Variants in KIF11 observed in about 807,000 individuals in gnomAD.
KIF11 encodes the protein kinesin family member 11.
A neutral mutation model predicts 121.0 loss-of-function variants in KIF11; 9 were observed. The ratio of observed to expected loss-of-function variants is 0.07; its 90% CI spans 0.04 to 0.13. The LOEUF (loss-of-function observed/expected upper bound fraction) is 0.13. KIF11 is among the 10% of genes least tolerant of loss of function. The pLI is 1.00. For synonymous variants in KIF11, 408 were observed against 421.0 expected, an observed-to-expected ratio of 0.97 and a Z score of 0.38; for missense variants, 846 against 1,217.5, an observed-to-expected ratio of 0.69 and a Z score of 4.54.
intron 19 of KIF11, among the ~76,000 whole-genome samples, chr10:92,648,834 T>C (rs1286992192): frequency 6.6e-6 from 1 of 152,232 alleles, no homozygotes; most frequent in African/African-American, 2.4e-5. Flanking sequence ...TCATAGACTA[T>C]TGCCATTTAG....
Position 92,648,192 on chromosome 10 carries a change from T to C in KIF11, c.2548-20T>C, listed in dbSNP as rs1844941943. 3 of 1,457,538 alleles carry C rather than the reference T, an allele frequency of 2.1e-6. No homozygotes were observed. The highest frequency in any genetic ancestry group is 2.5e-5 in the South Asian group (2 of 81,174). 90.3% of individuals were successfully genotyped at this position (1,457,538 alleles called of 1,614,324 possible). On this transcript the variant is annotated intron_variant, in intron 18 of 21. Coordinates refer to ENST00000260731, the MANE Select transcript of KIF11 (RefSeq NM_004523.4). The stretch of plus-strand genomic sequence containing the variant: ...GCAACTTTAATTTTAGTAATAAATA[T>C]TTATTTGCATCATTTACAGGTTGTA...
chr10:92,620,693 G>A lies in KIF11; in HGVS notation c.1129-692G>A, dbSNP rs541439987. 1.1e-3 allele frequency among the ~76,000 whole-genome samples: 172 copies of A among 152,314 alleles called. 4 individuals are homozygous for A. Among genetic ancestry groups the A allele is most frequent in the Non-Finnish European group, 2.1e-3 (141 of 68,032 alleles). ...TCTGGGGAGGCCTCATAATCATGGC[G>A]GAAGGCAAGGACGAGCAAGTCACAT... is the stretch of plus-strand genomic sequence containing the variant. On this transcript the variant is annotated intron_variant, in intron 9 of 21. Coordinates refer to ENST00000260731, the MANE Select transcript of KIF11 (RefSeq NM_004523.4).
At chr10:92,628,773 A>G (rs745552850) in intron 10 of KIF11, 35 bp from the exon 11 acceptor site, 8 of 1,163,530 alleles carry the variant, frequency 6.9e-6, no homozygotes, top group Non-Finnish European at 1.0e-5. Context: ...AGAAAAAAAT[A>G]TTAACTGTTA....
chr10:92,638,523 G>A (rs1420014319), intron 16 of KIF11, among the ~76,000 whole-genome samples: 1 of 151,882 alleles, frequency 6.6e-6, no homozygotes. Flanking sequence ...TTATAAATTT[G>A]CTGTTTTGAA....
chr10:92,601,497 C>G (rs1186843204), intron 1 of KIF11, among the ~76,000 whole-genome samples: 1 of 152,098 alleles, frequency 6.6e-6, no homozygotes, highest in Admixed American at 6.6e-5. Context: ...GCGTGAGCCA[C>G]CATGCCCGGC....
chr10:92,600,661 A>G lies in KIF11; in HGVS notation c.78-5604A>G, dbSNP rs565675990. 5.0e-3 allele frequency among the ~76,000 whole-genome samples: 749 copies of G among 148,782 alleles called. 3 individuals carry two copies. The highest frequency in any genetic ancestry group is 0.017 in the African/African-American group (704 of 40,412). The stretch of plus-strand genomic sequence containing the variant: ...TAGCTGGGACTACAGGCATGCGCCC[A>G]TGCCTAGCTAAGTTTTTGTAGTTTT... On this transcript the variant is annotated intron_variant, in intron 1 of 21. Coordinates refer to ENST00000260731, the MANE Select transcript of KIF11 (RefSeq NM_004523.4).
At chr10:92,648,562 A>C (rs567452184) in intron 19 of KIF11, 128 bp downstream of exon 19, 55 of 599,066 alleles carry the variant, frequency 9.2e-5, no homozygotes, top group Admixed American at 2.1e-4. Context: ...ACTGTAATCA[A>C]CTCAAAATGG....
intron 12 of KIF11, 47 bp downstream of exon 12, chr10:92,630,411 T>G (rs1436166661): frequency 4.9e-6 from 6 of 1,214,880 alleles, no homozygotes; most frequent in East Asian, 2.7e-5. Context: ...AGAGAATGGG[T>G]AGAAAAAATT....
chr10:92,619,922 C>T (rs546534556), intron 9 of KIF11, among the ~76,000 whole-genome samples: 31 of 151,572 alleles, frequency 2.0e-4, no homozygotes, highest in African/African-American at 6.8e-4. Flanking sequence ...TATCTTTTGA[C>T]GTGTTCCTCT....
intron 21 of KIF11, among the ~76,000 whole-genome samples, chr10:92,653,301 G>A (rs1845007501): frequency 6.6e-6 from 1 of 152,152 alleles, no homozygotes; most frequent in South Asian, 2.1e-4. Flanking sequence ...CTCACTCAAA[G>A]CCAGTAGCAC....
intron 17 of KIF11, among the ~76,000 whole-genome samples, chr10:92,642,820 T>C (rs1179761872): frequency 6.6e-6 from 1 of 152,266 alleles, no homozygotes; most frequent in Non-Finnish European, 1.5e-5. Context: ...TCTTTACTTT[T>C]GGTCTAAGTC....
intron 17 of KIF11, among the ~76,000 whole-genome samples, chr10:92,640,933 A>G (rs1246024490): frequency 6.6e-6 from 1 of 151,224 alleles, no homozygotes; most frequent in Non-Finnish European, 1.5e-5. Context: ...TTTTTAGTAG[A>G]GATGGGGTTT....
chr10:92,643,260 T>C (rs1436807796), intron 17 of KIF11, among the ~76,000 whole-genome samples: 1 of 152,200 alleles, frequency 6.6e-6, no homozygotes, highest in East Asian at 1.9e-4. Context: ...ATCTCTTCCA[T>C]TGACTTATTT....
intron 1 of KIF11, among the ~76,000 whole-genome samples, chr10:92,604,057 C>G (rs1844404894): frequency 6.6e-6 from 1 of 152,150 alleles, no homozygotes; most frequent in Non-Finnish European, 1.5e-5. Flanking sequence ...AATCTCCCTT[C>G]CCTCACCATT....
chr10:92,594,096 A>G (rs1844265134), intron 1 of KIF11, among the ~76,000 whole-genome samples: 1 of 152,120 alleles, frequency 6.6e-6, no homozygotes, highest in African/African-American at 2.4e-5. Flanking sequence ...TAACTTCCCA[A>G]TTTTAAAATA....
At chr10:92,653,272 A>G (rs541830648) in intron 21 of KIF11, among the ~76,000 whole-genome samples, 1 of 152,260 alleles carries the variant, frequency 6.6e-6, no homozygotes, top group South Asian at 2.1e-4. Flanking sequence ...CACAAGAAAA[A>G]CAGTGTACTA....
intron 8 of KIF11, among the ~76,000 whole-genome samples, chr10:92,614,021 T>TATACACACACACAC (rs1284311727): frequency 2.2e-3 from 281 of 127,000 alleles, no homozygotes; most frequent in African/African-American, 5.5e-3. Context: ...AGTATGTGTA[T>TATACACACACACAC]ACACACACAC....
intron 6 of KIF11, among the ~76,000 whole-genome samples, chr10:92,610,828 A>G (rs1238934432): frequency 1.3e-5 from 2 of 152,200 alleles, no homozygotes; most frequent in Non-Finnish European, 2.9e-5. Flanking sequence ...AATATAACAT[A>G]AAAGTGATTA....
chr10:92,653,563 G>T (rs1845011087), intron 21 of KIF11, 102 bp from the exon 22 acceptor site: 3 of 1,183,788 alleles, frequency 2.5e-6, no homozygotes, highest in Non-Finnish European at 3.5e-6. Flanking sequence ...CTACACTTAA[G>T]TTTTTTTGCC....
Sources: allele counts gnomAD v4.1 joint callset (sites outside exome capture counted in the v4.1 genomes callset), GRCh38; gene constraint gnomAD v4.1.1; transcripts MANE v1.5; gene names NCBI Gene and HGNC (gene_info 2026-07-23, HGNC 2026-07-21).